The following MAD1L1 variants were observed in gnomAD, a reference collection of about 807,000 sequenced individuals.
The protein encoded by MAD1L1 is mitotic arrest deficient 1 like 1.
Under a neutral mutation model 96.9 loss-of-function variants are expected in MAD1L1, and 95 were observed. The observed-to-expected ratio is 0.98, with a 90% CI of 0.83 to 1.16. MAD1L1 has a LOEUF of 1.16. Ranked by LOEUF, MAD1L1 falls within the 50% of genes most tolerant of loss-of-function variation. MAD1L1 has a pLI of 0.00. For missense variants in MAD1L1, 1,007 were observed against 954.4 expected, an observed-to-expected ratio of 1.06 and a Z score of -0.73; for synonymous variants, 473 against 396.6, an observed-to-expected ratio of 1.19 and a Z score of -2.29.
chr7:2,192,655 C>G (rs1471552371), intron 10 of MAD1L1, among the ~76,000 whole-genome samples: 4 of 152,164 alleles, frequency 2.6e-5, no homozygotes, highest in African/African-American at 4.8e-5. Flanking sequence ...TTAAAAAATT[C>G]TAAGGAAGGG....
At chr7:2,128,083 C>T (rs577762442) in intron 11 of MAD1L1, among the ~76,000 whole-genome samples, 2 of 152,306 alleles carry the variant, frequency 1.3e-5, no homozygotes, top group African/African-American at 4.8e-5. Flanking sequence ...AACTCATCAA[C>T]TCGGGCTCTG....
intron 18 of MAD1L1, among the ~76,000 whole-genome samples, chr7:1,821,667 C>A (rs1303278320): frequency 6.6e-6 from 1 of 152,144 alleles, no homozygotes; most frequent in Non-Finnish European, 1.5e-5. Context: ...ACCCTATCAA[C>A]AGGCTAAAGG....
At chr7:1,827,005 C>T (rs1391958727) in intron 18 of MAD1L1, among the ~76,000 whole-genome samples, 12 of 152,224 alleles carry the variant, frequency 7.9e-5, no homozygotes, top group Admixed American at 2.0e-4. Flanking sequence ...CCCTCGCACA[C>T]GGGCGTTCTG....
intron 12 of MAD1L1, among the ~76,000 whole-genome samples, chr7:2,018,021 C>A (rs1031961312): frequency 6.6e-6 from 1 of 152,044 alleles, no homozygotes; most frequent in African/African-American, 2.4e-5. Flanking sequence ...CGGGAGACTG[C>A]AGGACGCCGG....
intron 12 of MAD1L1, among the ~76,000 whole-genome samples, chr7:2,068,696 C>A (rs984861206): frequency 3.3e-5 from 5 of 152,252 alleles, no homozygotes; most frequent in African/African-American, 1.2e-4. Context: ...CCAGCGACCT[C>A]TGCTCACGGT....
intron 13 of MAD1L1, among the ~76,000 whole-genome samples, chr7:2,005,807 A>G (rs1782005783): frequency 6.6e-6 from 1 of 152,192 alleles, no homozygotes; most frequent in Non-Finnish European, 1.5e-5. Flanking sequence ...TGTCAAAAAA[A>G]CAAAAACGAA....
At chr7:1,949,139 C>T (rs924611822) in intron 16 of MAD1L1, among the ~76,000 whole-genome samples, 1 of 151,660 alleles carries the variant, frequency 6.6e-6, no homozygotes, top group Non-Finnish European at 1.5e-5. Flanking sequence ...AGGAGGGGCC[C>T]GGGGCACGGC....
At chr7:2,107,188 C>A (rs960682611) in intron 11 of MAD1L1, among the ~76,000 whole-genome samples, 1 of 152,226 alleles carries the variant, frequency 6.6e-6, no homozygotes, top group African/African-American at 2.4e-5. Context: ...ACCTTCCCTG[C>A]AGGCGGTAAG....
intron 12 of MAD1L1, among the ~76,000 whole-genome samples, chr7:2,034,074 C>T (rs925041565): frequency 3.3e-5 from 5 of 151,972 alleles, no homozygotes; most frequent in South Asian, 2.1e-4. Flanking sequence ...GCAGCCTGGG[C>T]GACAGAGCAA....
intron 18 of MAD1L1, chr7:1,847,206 C>T (rs1400182081): frequency 2.1e-6 from 1 of 467,050 alleles, no homozygotes; most frequent in Admixed American, 2.4e-5. Flanking sequence ...TGTTTGAAGG[C>T]CACACATCTT....
In MAD1L1 at chr7:2,030,411, C is replaced by T. The variant is rs1019461522; in HGVS notation, c.1219-15769G>A. On this transcript the variant is annotated intron_variant, in intron 12 of 18. Coordinates refer to ENST00000265854, the MANE Select transcript of MAD1L1 (RefSeq NM_001013836.2). ...TATTAATAATTTCCGTATAGCAGCT[C>T]GAACAAAGCACTGACAAAGTGTCAC... Among the ~76,000 whole-genome samples the T allele has an allele frequency of 3.9e-5, 6 of 152,354 alleles. No homozygotes were observed. The East Asian group carries it at 1.2e-3, about 29-fold the overall frequency.
chr7:2,159,956 A>T (rs1639897), intron 10 of MAD1L1, among the ~76,000 whole-genome samples: 2,716 of 152,290 alleles, frequency 0.018, 41 homozygotes, highest in African/African-American at 0.04. Flanking sequence ...GGCCAGGCGC[A>T]GTGGCTCATG....
intron 12 of MAD1L1, among the ~76,000 whole-genome samples, chr7:2,050,138 G>C (rs55740147): frequency 1.6e-3 from 65 of 40,316 alleles, no homozygotes; most frequent in African/African-American, 3.2e-3. Context: ...ACCTCACCCA[G>C]CGTCTGCGGG....
At chr7:1,979,178 G>A (rs553334162) in intron 15 of MAD1L1, among the ~76,000 whole-genome samples, 2 of 152,334 alleles carry the variant, frequency 1.3e-5, no homozygotes, top group South Asian at 4.1e-4. Flanking sequence ...GCCGCGGGGG[G>A]TCCAGGGGCC....
intron 10 of MAD1L1, among the ~76,000 whole-genome samples, chr7:2,152,796 G>T (rs1337056249): frequency 6.6e-6 from 1 of 152,196 alleles, no homozygotes; most frequent in African/African-American, 2.4e-5. Flanking sequence ...ATGTGGAAGG[G>T]ACAGGGAGGC....
chr7:2,103,370 G>A lies in MAD1L1; in HGVS notation c.1074-34032C>T, dbSNP rs1458619930. Among the ~76,000 whole-genome samples, 4 of 152,178 alleles carry A rather than the reference G, an allele frequency of 2.6e-5. No individual in the cohort carries two copies. Among genetic ancestry groups the A allele is most frequent in the East Asian group, 1.9e-4 (1 of 5,182 alleles). On this transcript the variant is annotated intron_variant, in intron 11 of 18. Coordinates refer to ENST00000265854, the MANE Select transcript of MAD1L1 (RefSeq NM_001013836.2). The surrounding 1 kb of genome is among the most constrained non-coding windows in gnomAD (Gnocchi z 4.3). ...CTGCCTGCCCCGCCGCTCAGTAGAC[G>A]GCACATGGGACATCGCCATGCCTAG...
At chr7:2,075,852 T>C (rs973977868) in intron 11 of MAD1L1, among the ~76,000 whole-genome samples, 3 of 152,192 alleles carry the variant, frequency 2.0e-5, no homozygotes, top group African/African-American at 7.2e-5. Context: ...ACACACTCTT[T>C]GTCTACCTTC....
intron 18 of MAD1L1, chr7:1,847,928 C>G (rs938126678): frequency 1.4e-5 from 5 of 354,828 alleles, no homozygotes; most frequent in African/African-American, 1.1e-4. Flanking sequence ...ACCTACACAG[C>G]CGGTTTCTCC....
At chr7:1,928,010 C>G (rs1287218669) in intron 17 of MAD1L1, among the ~76,000 whole-genome samples, 2 of 152,340 alleles carry the variant, frequency 1.3e-5, no homozygotes, top group Admixed American at 1.3e-4. Flanking sequence ...CTTCTCCAGA[C>G]AGTGGAGAGC....
Sources: gnomAD v4.1 joint callset for allele counts (sites outside exome capture counted in the v4.1 genomes callset) on GRCh38, gnomAD v4.1.1 for gene constraint, Gnocchi (gnomAD v3.1) non-coding constraint, MANE v1.5 for transcripts, NCBI Gene and HGNC (gene_info 2026-07-23, HGNC 2026-07-21) for gene names.